Variants in NRXN3 observed in about 807,000 individuals in gnomAD.
The protein encoded by NRXN3 is neurexin 3.
Under a neutral mutation model 137.6 loss-of-function variants are expected in NRXN3, and 32 were observed. The observed-to-expected ratio is 0.23, with a 90% CI of 0.18 to 0.31. The LOEUF is 0.31. NRXN3 is among the 10% of genes least tolerant of loss of function. NRXN3 has a pLI of 1.00. For missense variants in NRXN3, 1,574 were observed against 2,062.5 expected, an observed-to-expected ratio of 0.76 and a Z score of 4.59; for synonymous variants, 798 against 784.5, an observed-to-expected ratio of 1.02 and a Z score of -0.29.
intron 6 of NRXN3, among the ~76,000 whole-genome samples, chr14:78,678,391 A>C (rs553521436): frequency 6.1e-4 from 92 of 151,678 alleles, no homozygotes; most frequent in African/African-American, 2.2e-3. Flanking sequence ...GGGCTCAAGC[A>C]ATTGACTCAG....
At chr14:78,940,156 C>G (rs1035133907) in intron 10 of NRXN3, among the ~76,000 whole-genome samples, 4 of 152,186 alleles carry the variant, frequency 2.6e-5, no homozygotes, top group African/African-American at 9.7e-5. Flanking sequence ...CCCTACGACA[C>G]GGAAGTACTC....
rs879871676 is a variant in NRXN3 at position 79,000,259 on chromosome 14, C to A, written c.3262+12118C>A. ...GAGTGAAATCAAATGCATGTATGTG[C>A]ATACATATGTAATATAAATAAATAT... On this transcript the variant is annotated intron_variant, in intron 15 of 20. Transcript: ENST00000335750. Among the ~76,000 whole-genome samples the A allele has an allele frequency of 1.4e-3, 210 of 152,248 alleles. 1 individual carries two copies. Among genetic ancestry groups the A allele is most frequent in the African/African-American group, 4.5e-3 (189 of 41,568 alleles).
chr14:79,753,814 A>G (rs1015105591), intron 19 of NRXN3, among the ~76,000 whole-genome samples: 1 of 152,180 alleles, frequency 6.6e-6, no homozygotes, highest in East Asian at 1.9e-4. Context: ...GAGATTTTAT[A>G]TATACAGTCC....
At chr14:78,188,598 G>A (rs2060446360) in intron 1 of NRXN3, among the ~76,000 whole-genome samples, 1 of 152,134 alleles carries the variant, frequency 6.6e-6, no homozygotes, top group South Asian at 2.1e-4. Context: ...GATGGGGGAA[G>A]GTATGGGCTG....
intron 15 of NRXN3, among the ~76,000 whole-genome samples, chr14:79,232,251 T>C (rs1323547023): frequency 1.3e-5 from 2 of 152,074 alleles, no homozygotes; most frequent in African/African-American, 2.4e-5. Context: ...TTTGTGTGTG[T>C]GCGCGCGCAC....
At chr14:79,516,310 G>A (rs894889905) in intron 16 of NRXN3, among the ~76,000 whole-genome samples, 4 of 152,126 alleles carry the variant, frequency 2.6e-5, no homozygotes, top group Non-Finnish European at 5.9e-5. Flanking sequence ...AGTTAATGCT[G>A]CCTGTTTTCC....
intron 15 of NRXN3, among the ~76,000 whole-genome samples, chr14:79,021,151 AT>A (rs1475725907): frequency 2.0e-5 from 3 of 152,180 alleles, no homozygotes; most frequent in Admixed American, 6.5e-5. Flanking sequence ...ATGTTATCAT[AT>A]TGAAAATCCT....
chr14:78,663,069 A>G lies in NRXN3; in HGVS notation c.1221+11743A>G, dbSNP rs183048289. 2.6e-5 allele frequency among the ~76,000 whole-genome samples: 4 copies of G among 152,314 alleles called. No homozygotes were observed. The East Asian group carries it at 7.7e-4, about 29-fold the overall frequency. Reference sequence around the variant, plus strand: ...AAAAGCTTATGAGCTGGATTCTATGATCATTACTAACTTGAATTTAAAGAG... The same window carrying G: ...AAAAGCTTATGAGCTGGATTCTATGGTCATTACTAACTTGAATTTAAAGAG... On this transcript the variant is annotated intron_variant, in intron 6 of 20. Coordinates refer to ENST00000335750, the MANE Select transcript of NRXN3 (RefSeq NM_001330195.2).
chr14:79,622,885 C>T (rs113570329), intron 16 of NRXN3, among the ~76,000 whole-genome samples: 5,250 of 152,226 alleles, frequency 0.034, 284 homozygotes, highest in African/African-American at 0.12. Context: ...CGTGAGCCAC[C>T]GCACCCGGCC....
chr14:78,643,119 A>C (rs905366812), intron 4 of NRXN3, among the ~76,000 whole-genome samples: 2 of 152,198 alleles, frequency 1.3e-5, no homozygotes, highest in Non-Finnish European at 2.9e-5. Flanking sequence ...TAATTTAACA[A>C]TATGTAGTGG....
At chr14:79,042,117 C>T (rs1338480824) in intron 15 of NRXN3, among the ~76,000 whole-genome samples, 1 of 152,186 alleles carries the variant, frequency 6.6e-6, no homozygotes, top group Admixed American at 6.5e-5. Context: ...TCTAACCAAA[C>T]ATTCCACTCC....
At chr14:79,530,323 A>G (rs1387100149) in intron 16 of NRXN3, among the ~76,000 whole-genome samples, 2 of 152,152 alleles carry the variant, frequency 1.3e-5, no homozygotes, top group African/African-American at 2.4e-5. Flanking sequence ...ATGACACTCT[A>G]TATAACTTGG....
chr14:78,656,191 G>T (rs1346001261), intron 6 of NRXN3, among the ~76,000 whole-genome samples: 4 of 152,172 alleles, frequency 2.6e-5, no homozygotes, highest in Non-Finnish European at 5.9e-5. Flanking sequence ...TCCTGCTTTA[G>T]AGGAACTCAC....
At chr14:79,152,108 T>A (rs1209641489) in intron 15 of NRXN3, among the ~76,000 whole-genome samples, 3 of 152,040 alleles carry the variant, frequency 2.0e-5, no homozygotes, top group Non-Finnish European at 4.4e-5. Context: ...CTTGCTATAT[T>A]GAACAGTGTT....
At chr14:78,611,559 A>T (rs1016845725) in intron 4 of NRXN3, among the ~76,000 whole-genome samples, 6 of 152,126 alleles carry the variant, frequency 3.9e-5, no homozygotes, top group African/African-American at 1.4e-4. Flanking sequence ...TTGGAGGGTG[A>T]GGCAACCCTA....
chr14:78,369,378 A>G (rs1258494026), intron 4 of NRXN3, among the ~76,000 whole-genome samples: 1 of 151,616 alleles, frequency 6.6e-6, no homozygotes, highest in South Asian at 2.1e-4. Flanking sequence ...CCTATTTCCT[A>G]CTTTTGGGGA....
chr14:78,956,939 C>T (rs1466275394), intron 10 of NRXN3, among the ~76,000 whole-genome samples: 1 of 152,206 alleles, frequency 6.6e-6, no homozygotes, highest in Non-Finnish European at 1.5e-5. Flanking sequence ...TGACTGCTAA[C>T]TACAGCTTCC....
intron 8 of NRXN3, chr14:78,745,216 A>G (rs1463164239): frequency 2.0e-5 from 3 of 152,208 alleles, no homozygotes; most frequent in Non-Finnish European, 4.4e-5. Flanking sequence ...TCTGTTCAAC[A>G]TGCAGCTTTC....
intron 15 of NRXN3, among the ~76,000 whole-genome samples, chr14:79,094,574 A>T (rs2049882587): frequency 1.3e-5 from 2 of 152,160 alleles, no homozygotes; most frequent in South Asian, 4.1e-4. Flanking sequence ...CATCTAAATT[A>T]TTGATACAGT....
Sources: allele counts gnomAD v4.1 joint callset (sites outside exome capture counted in the v4.1 genomes callset), GRCh38; gene constraint gnomAD v4.1.1; transcripts MANE v1.5; gene names NCBI Gene and HGNC (gene_info 2026-07-23, HGNC 2026-07-21).